PRKN: variants seen among roughly 807,000 people sequenced by gnomAD.
PRKN encodes the protein E3 ubiquitin-protein ligase parkin.
In PRKN, 56 loss-of-function variants were observed where a neutral mutation model predicts 59.5. That is an observed-to-expected ratio of 0.94 (90% CI 0.76 to 1.18). The LOEUF is 1.18. Among genes scored for constraint, PRKN ranks in the 50% most tolerant of loss-of-function variants. The pLI, the probability that PRKN is intolerant of heterozygous loss-of-function variation, is 0.00. For synonymous variants in PRKN, 250 were observed against 222.1 expected (o/e 1.13, Z -1.12); for missense variants, 657 against 596.4 (o/e 1.10, Z -1.06).
At chr6:162,410,565 G>A (rs973861619) in intron 2 of PRKN, among the ~76,000 whole-genome samples, 2 of 152,116 alleles carry the variant, frequency 1.3e-5, no homozygotes, top group Non-Finnish European at 2.9e-5. Context: ...CTTTTCTACT[G>A]TCAGGAAGCC....
intron 2 of PRKN, among the ~76,000 whole-genome samples, chr6:162,275,734 A>T (rs1282101452): frequency 2.0e-5 from 3 of 152,226 alleles, no homozygotes; most frequent in Non-Finnish European, 4.4e-5. Context: ...GCAGTGAACC[A>T]AGACCACACA....
chr6:162,536,127 A>G (rs1235627255), intron 1 of PRKN, among the ~76,000 whole-genome samples: 1 of 152,138 alleles, frequency 6.6e-6, no homozygotes, highest in Non-Finnish European at 1.5e-5. Context: ...CAAACCAAAG[A>G]GCCGTGGTTC....
At chr6:161,824,149 C>T (rs536908203) in intron 6 of PRKN, among the ~76,000 whole-genome samples, 1 of 152,300 alleles carries the variant, frequency 6.6e-6, no homozygotes, top group East Asian at 1.9e-4. Flanking sequence ...ACACACCCAC[C>T]CAACGCCACG....
At chr6:161,947,839 T>C (rs1264682838) in intron 6 of PRKN, among the ~76,000 whole-genome samples, 1 of 152,212 alleles carries the variant, frequency 6.6e-6, no homozygotes, top group African/African-American at 2.4e-5. Flanking sequence ...AATATGTACC[T>C]TGTACACCTT....
At chr6:162,390,126 A>C (rs1787085539) in intron 2 of PRKN, among the ~76,000 whole-genome samples, 1 of 152,184 alleles carries the variant, frequency 6.6e-6, no homozygotes, top group African/African-American at 2.4e-5. Flanking sequence ...TAAATGTTGG[A>C]AACTCCTTTA....
intron 4 of PRKN, among the ~76,000 whole-genome samples, chr6:162,110,621 T>C (rs377249409): frequency 5.9e-5 from 9 of 152,354 alleles, no homozygotes; most frequent in South Asian, 4.1e-4. Context: ...CGTTGAAGAA[T>C]AGCATCTTGA....
intron 1 of PRKN, among the ~76,000 whole-genome samples, chr6:162,510,791 T>C (rs1012012069): frequency 2.6e-5 from 4 of 151,884 alleles, no homozygotes; most frequent in South Asian, 2.1e-4. Flanking sequence ...GGTGTGGTGG[T>C]ATGCGCCTGT....
At chr6:162,612,331 A>G (rs1782222185) in intron 1 of PRKN, among the ~76,000 whole-genome samples, 1 of 152,096 alleles carries the variant, frequency 6.6e-6, no homozygotes. Flanking sequence ...CCATCTAGTC[A>G]GGGCTGTCCT....
intron 1 of PRKN, among the ~76,000 whole-genome samples, chr6:162,673,077 T>C (rs1381561536): frequency 6.6e-6 from 1 of 152,202 alleles, no homozygotes; most frequent in Admixed American, 6.5e-5. Context: ...ATTCATACTT[T>C]TTCATTTTTA....
At chr6:162,262,823 T>C (rs1409262712) in intron 2 of PRKN, 58 bp from the exon 3 acceptor site, 1 of 1,577,936 alleles carries the variant, frequency 6.3e-7, no homozygotes, top group Non-Finnish European at 8.5e-7. Flanking sequence ...AAACATGAAA[T>C]GCGAGATAGA....
intron 1 of PRKN, among the ~76,000 whole-genome samples, chr6:162,721,281 C>T (rs374516996): frequency 2.0e-5 from 3 of 152,182 alleles, no homozygotes; most frequent in South Asian, 4.1e-4. Flanking sequence ...CATGAGAAGT[C>T]CTCTATTAAC....
At position 162,138,844 on chromosome 6, in the gene PRKN, C is replaced by T. The variant is rs192001940; in HGVS notation, c.534+62287G>A. Among the ~76,000 whole-genome samples the T allele has an allele frequency of 4.7e-3, 711 of 152,272 alleles. 6 individuals are homozygous for T. The highest frequency in any genetic ancestry group is 0.016 in the African/African-American group (672 of 41,554). ...ATAGCAAGAGAACCCATTCATAACT[C>T]ATCTCACCAAGAAAATAGGGCCAGA... On this transcript the variant is annotated intron_variant, in intron 4 of 11. Coordinates refer to ENST00000366898, the MANE Select transcript of PRKN (RefSeq NM_004562.3).
Position 161,562,635 on chromosome 6 carries a change from GT to G in PRKN, c.933+6719del, listed in dbSNP as rs1214671623. Among the ~76,000 whole-genome samples, 1 of 152,128 alleles carries G rather than the reference GT, an allele frequency of 6.6e-6. No individual in the cohort carries two copies. The highest frequency in any genetic ancestry group is 1.5e-5 in the Non-Finnish European group (1 of 68,024). On this transcript the variant is annotated intron_variant, in intron 8 of 11. Transcript: ENST00000366898. The surrounding 1 kb of genome is among the most constrained non-coding windows in gnomAD (Gnocchi z 4.3). Reference sequence around the variant, plus strand: ...TCCATGCTTCAGGCATAGCAAATGTGTTCAGAATTGAAGCTCAGATCCCATG... The same window carrying G: ...TCCATGCTTCAGGCATAGCAAATGTGTCAGAATTGAAGCTCAGATCCCATG...
At position 161,491,693 on chromosome 6, in the gene PRKN, C is replaced by T. The variant is rs549904257; in HGVS notation, c.1083+57161G>A. On this transcript the variant is annotated intron_variant, in intron 9 of 11. Coordinates refer to ENST00000366898, the MANE Select transcript of PRKN (RefSeq NM_004562.3). ...TCACCCGGGCTGGAGTGCAATGGCG[C>T]GATCTTGGCTCACTGGAACCTCTGC... Among the ~76,000 whole-genome samples the T allele has an allele frequency of 1.3e-4, 19 of 151,870 alleles. No individual in the cohort carries two copies. In the South Asian group the frequency reaches 2.1e-3, roughly 17 times the overall value.
intron 9 of PRKN, among the ~76,000 whole-genome samples, chr6:161,433,160 T>G (rs1788727968): frequency 6.6e-6 from 1 of 152,224 alleles, no homozygotes; most frequent in African/African-American, 2.4e-5. Context: ...CTAAAAGACT[T>G]CTTCCATTGC....
At chr6:162,563,315 A>C (rs201936694) in intron 1 of PRKN, among the ~76,000 whole-genome samples, 1 of 85,820 alleles carries the variant, frequency 1.2e-5, no homozygotes, top group Non-Finnish European at 2.3e-5. Context: ...AAAAACAAAA[A>C]ACAAAAAAAA....
Position 162,516,038 on chromosome 6 carries a change from T to G in PRKN, c.8-72565A>C, listed in dbSNP as rs374462827. Among the ~76,000 whole-genome samples, 85 of 152,316 alleles carry G rather than the reference T, an allele frequency of 5.6e-4. 1 individual carries two copies. The South Asian group carries it at 9.1e-3, about 16-fold the overall frequency. ...GTGTTTCTTACCCCAGTAAGCTGCT[T>G]CTTTGCGCTAATGCAGCGATTGCTG... On this transcript the variant is annotated intron_variant, in intron 1 of 11. Coordinates refer to ENST00000366898, the MANE Select transcript of PRKN (RefSeq NM_004562.3).
chr6:161,619,146 G>A (rs1782799022), intron 7 of PRKN, among the ~76,000 whole-genome samples: 1 of 151,160 alleles, frequency 6.6e-6, no homozygotes, highest in South Asian at 2.1e-4. Context: ...AAGGTAGCAA[G>A]GACACAGATT....
intron 7 of PRKN, among the ~76,000 whole-genome samples, chr6:161,740,187 T>A (rs1317702783): frequency 2.0e-5 from 3 of 152,254 alleles, no homozygotes; most frequent in African/African-American, 7.2e-5. Context: ...AAGGAAAAGA[T>A]ATACTTTCCT....
Sources: gnomAD v4.1 joint callset for allele counts (sites outside exome capture counted in the v4.1 genomes callset) on GRCh38, gnomAD v4.1.1 for gene constraint, Gnocchi (gnomAD v3.1) non-coding constraint, MANE v1.5 for transcripts, NCBI Gene and HGNC (gene_info 2026-07-23, HGNC 2026-07-21) for gene names.